Variants in TMEM132D observed in about 807,000 individuals in gnomAD.
TMEM132D encodes transmembrane protein 132D.
A neutral mutation model predicts 62.3 loss-of-function variants in TMEM132D; 21 were observed. The ratio of observed to expected loss-of-function variants is 0.34; its 90% CI spans 0.24 to 0.49. The LOEUF (loss-of-function observed/expected upper bound fraction) is 0.49, where lower values mean the gene tolerates loss of function less well. Among genes scored for constraint, TMEM132D ranks in the 20% least tolerant of loss-of-function variants. The pLI is 0.99. For missense variants in TMEM132D, 1,346 were observed against 1,402.8 expected (o/e 0.96, Z 0.65); for synonymous variants, 621 against 575.6 (o/e 1.08, Z -1.13).
intron 2 of TMEM132D, among the ~76,000 whole-genome samples, chr12:129,651,653 C>T (rs1879930276): frequency 6.6e-6 from 1 of 152,266 alleles, no homozygotes; most frequent in South Asian, 2.1e-4. Flanking sequence ...ACAAATTAAG[C>T]TGATAATGGT....
At chr12:129,184,397 T>C (rs555462179) in intron 5 of TMEM132D, among the ~76,000 whole-genome samples, 1 of 152,312 alleles carries the variant, frequency 6.6e-6, no homozygotes, top group South Asian at 2.1e-4. Flanking sequence ...CAGGCTGTCC[T>C]TTGTGCGGGC....
At chr12:129,212,693 C>G (rs1339971910) in intron 4 of TMEM132D, 2 of 152,182 alleles carry the variant, frequency 1.3e-5, no homozygotes, top group Non-Finnish European at 1.5e-5. Context: ...CAATCATAAT[C>G]CTTATTGTCA....
At chr12:129,252,421 C>T (rs1249380081) in intron 4 of TMEM132D, among the ~76,000 whole-genome samples, 2 of 152,016 alleles carry the variant, frequency 1.3e-5, no homozygotes, top group African/African-American at 4.8e-5. Flanking sequence ...GAAACTTCTT[C>T]CTAAGTGGGA....
intron 2 of TMEM132D, among the ~76,000 whole-genome samples, chr12:129,630,238 G>A (rs887887258): frequency 4.6e-5 from 7 of 152,150 alleles, no homozygotes; most frequent in Admixed American, 1.3e-4. Flanking sequence ...TCACGTGTGT[G>A]TTTGAGAAAA....
intron 3 of TMEM132D, among the ~76,000 whole-genome samples, chr12:129,512,026 T>C (rs904116976): frequency 2.6e-5 from 4 of 152,224 alleles, no homozygotes; most frequent in Non-Finnish European, 4.4e-5. Context: ...CTATGAAATG[T>C]AGGCATTTTT....
chr12:129,259,528 G>T (rs1476760842), intron 4 of TMEM132D, among the ~76,000 whole-genome samples: 3 of 152,202 alleles, frequency 2.0e-5, no homozygotes, highest in Admixed American at 1.3e-4. Context: ...TCCCTGTAGT[G>T]CTGGGAGTGT....
chr12:129,707,063 A>T (rs117041317), intron 1 of TMEM132D, among the ~76,000 whole-genome samples: 2,501 of 150,816 alleles, frequency 0.017, 101 homozygotes, highest in East Asian at 0.13. Context: ...AAGAGCTCTA[A>T]AGAAGCATTA....
chr12:129,539,398 A>ATT (rs1231411342), intron 2 of TMEM132D, among the ~76,000 whole-genome samples: 1 of 108,836 alleles, frequency 9.2e-6, no homozygotes, highest in Non-Finnish European at 1.9e-5. Flanking sequence ...CATTTGGCTA[A>ATT]TTTTTTCTTT....
At chr12:129,415,497 T>C (rs1872090569) in intron 3 of TMEM132D, among the ~76,000 whole-genome samples, 1 of 152,212 alleles carries the variant, frequency 6.6e-6, no homozygotes, top group South Asian at 2.1e-4. Context: ...TGAGCGGACA[T>C]AGATATCTAA....
rs1175228840 is a variant in TMEM132D, at chr12:129,371,611, GTGA to G, written c.1116-33797_1116-33795del. Among the ~76,000 whole-genome samples, 6 of 151,446 alleles carry G rather than the reference GTGA, an allele frequency of 4.0e-5. No individual in the cohort carries two copies. Among genetic ancestry groups the G allele is most frequent in the African/African-American group, 1.2e-4 (5 of 41,128 alleles). On this transcript the variant is annotated intron_variant, in intron 3 of 8. Coordinates refer to ENST00000422113, the MANE Select transcript of TMEM132D (RefSeq NM_133448.3). The surrounding 1 kb of genome is among the most constrained non-coding windows in gnomAD (Gnocchi z 4.3). ...GTAACAATGATCATGGCAGATTGTG[GTGA>G]TGATGATGGTGGTGATGGTGATGGT...
At chr12:129,235,727 A>G (rs2135581121) in intron 4 of TMEM132D, among the ~76,000 whole-genome samples, 1 of 152,308 alleles carries the variant, frequency 6.6e-6, no homozygotes, top group South Asian at 2.1e-4. Context: ...TTGCTGGGTC[A>G]TATGGAAGTT....
At chr12:129,676,395 T>C (rs1880631877) in intron 2 of TMEM132D, among the ~76,000 whole-genome samples, 1 of 152,218 alleles carries the variant, frequency 6.6e-6, no homozygotes, top group Admixed American at 6.5e-5. Flanking sequence ...CTGTCTGTGT[T>C]AGTCTGTTTT....
At chr12:129,237,732 A>T (rs906664858) in intron 4 of TMEM132D, among the ~76,000 whole-genome samples, 4 of 152,136 alleles carry the variant, frequency 2.6e-5, no homozygotes, top group Admixed American at 1.3e-4. Context: ...TAATCCCAGC[A>T]CTTTGGGAGG....
rs2135657862 is a variant in TMEM132D at position 129,337,637 on chromosome 12, A to G, written c.1296T>C (p.Ala432=). 6.2e-7 allele frequency: 1 copy of G among 1,613,686 alleles called. No homozygotes were observed. The highest frequency in any genetic ancestry group is 1.1e-5 in the South Asian group (1 of 90,970). Residue 432 remains alanine (A), a synonymous_variant, in exon 4 of 9, where the codon GCT becomes GCC. Coordinates refer to ENST00000422113, the MANE Select transcript of TMEM132D (RefSeq NM_133448.3). ...PKDLIGVVPL[A]MEAEILNTAI... is the part of the protein sequence containing the mutation. ...GCCCAGGGCGGGGCTTGCTTACCATAGCCAGCGGCACAACTCCAATCAAGT... is the reference window on the plus strand; with the variant it reads ...GCCCAGGGCGGGGCTTGCTTACCATGGCCAGCGGCACAACTCCAATCAAGT...
intron 3 of TMEM132D, among the ~76,000 whole-genome samples, chr12:129,405,079 T>C (rs1871741050): frequency 6.6e-6 from 1 of 152,186 alleles, no homozygotes; most frequent in Non-Finnish European, 1.5e-5. Context: ...TTTAAATGTA[T>C]TTGTGTTCTT....
At chr12:129,884,777 C>T (rs113991973) in intron 1 of TMEM132D, among the ~76,000 whole-genome samples, 1 of 152,216 alleles carries the variant, frequency 6.6e-6, no homozygotes, top group Non-Finnish European at 1.5e-5. Flanking sequence ...TATTTACCTA[C>T]ATACCTACCA....
chr12:129,071,763 T>TTTATAAATATATATTACATTC lies in TMEM132D; in HGVS notation c.*2091_*2111dup, dbSNP rs1249882643. 1 of 152,230 alleles carries TTTATAAATATATATTACATTC rather than the reference T, an allele frequency of 6.6e-6. No individual in the cohort carries two copies. Among genetic ancestry groups the TTTATAAATATATATTACATTC allele is most frequent in the Non-Finnish European group, 1.5e-5 (1 of 68,036 alleles). The allele number at this position is 152,230 out of a possible 1,614,324, so 9.4% of individuals were successfully genotyped here. On this transcript the variant is annotated 3_prime_UTR_variant, in exon 9 of 9. Transcript: ENST00000422113. ...AAACTTTATATTTACAGTCAGTAAG[T>TTTATAAATATATATTACATTC]TTATAAATATATATTACATTCTTAC...
intron 1 of TMEM132D, among the ~76,000 whole-genome samples, chr12:129,747,665 A>C (rs1219647418): frequency 6.6e-6 from 1 of 150,774 alleles, no homozygotes; most frequent in African/African-American, 2.4e-5. Flanking sequence ...ACAGACACAC[A>C]CATTCAGACA....
intron 4 of TMEM132D, among the ~76,000 whole-genome samples, chr12:129,219,626 C>T (rs1431509801): frequency 2.6e-5 from 4 of 152,188 alleles, no homozygotes; most frequent in African/African-American, 9.7e-5. Flanking sequence ...GGGGGCACAC[C>T]TGGGCCTGCA....
Sources: allele counts gnomAD v4.1 joint callset (sites outside exome capture counted in the v4.1 genomes callset), GRCh38; gene constraint gnomAD v4.1.1; non-coding constraint Gnocchi (gnomAD v3.1); transcripts MANE v1.5; gene names NCBI Gene and HGNC (gene_info 2026-07-23, HGNC 2026-07-21).